The following SMC3 variants were observed in gnomAD, a reference collection of about 807,000 sequenced individuals.
SMC3 encodes structural maintenance of chromosomes 3.
In SMC3, 20 loss-of-function variants were observed where a neutral mutation model predicts 171.8. The observed-to-expected ratio is 0.12, with a 90% CI of 0.08 to 0.17. The LOEUF is 0.17. SMC3 is among the 10% of genes least tolerant of loss of function. The pLI, the probability that SMC3 is intolerant of heterozygous loss-of-function variation, is 1.00. For synonymous variants in SMC3, 464 were observed against 451.1 expected, an observed-to-expected ratio of 1.03 and a Z score of -0.36; for missense variants, 543 against 1,420.4, an observed-to-expected ratio of 0.38 and a Z score of 9.93.
Position 110,603,007 on chromosome 10 carries a change from A to G in SMC3, c.3475+5A>G, listed in dbSNP as rs769197568. 3.1e-6 allele frequency: 5 copies of G among 1,614,074 alleles called. No homozygotes were observed. In the South Asian group the frequency reaches 4.4e-5, roughly 14 times the overall value. On this transcript the variant is annotated splice_donor_5th_base_variant and intron_variant, in intron 27 of 28. Transcript: ENST00000361804. ...AGCACAGAAAGGCTGTGTCAGGTAC[A>G]GTTTCAGTACAGTTTTGGTTTTGTA...
Position 110,601,933 on chromosome 10 carries a change from T to G in SMC3, c.2893-33T>G. The G allele has an allele frequency of 6.2e-7, 1 of 1,606,956 alleles. No individual in the cohort carries two copies. Among genetic ancestry groups the G allele is most frequent in the Non-Finnish European group, 8.5e-7 (1 of 1,174,454 alleles). ...GTTACAAATTGCTCAGTATATAAAT[T>G]TATTTATATGAATACATATTTTCTC... On this transcript the variant is annotated intron_variant, in intron 24 of 28. Transcript: ENST00000361804.
At chr10:110,576,954 T>G (rs556555330) in intron 4 of SMC3, among the ~76,000 whole-genome samples, 1 of 152,298 alleles carries the variant, frequency 6.6e-6, no homozygotes, top group South Asian at 2.1e-4. Context: ...TCCCATGATT[T>G]ATTAGGATTT....
At chr10:110,573,625 A>T (rs1023360461) in intron 2 of SMC3, 82 bp from the exon 3 acceptor site, 1 of 942,182 alleles carries the variant, frequency 1.1e-6, no homozygotes, top group Non-Finnish European at 1.7e-6. Context: ...TTTTAAAAAT[A>T]TTGAGTATTT....
intron 2 of SMC3, among the ~76,000 whole-genome samples, chr10:110,570,427 A>G (rs550931073): frequency 0.079 from 758 of 9,574 alleles, 4 homozygotes; most frequent in Middle Eastern, 0.21. Flanking sequence ...TAAAGAAGGC[A>G]TACTTTTTTT....
intron 1 of SMC3, among the ~76,000 whole-genome samples, chr10:110,568,665 T>C (rs1860821415): frequency 6.6e-6 from 1 of 152,040 alleles, no homozygotes; most frequent in Admixed American, 6.5e-5. Context: ...GCTCACACAG[T>C]GTTTTTGATT....
chr10:110,605,840 C>T lies in SMC3; in HGVS notation c.*1538C>T, dbSNP rs7898064. On this transcript the variant is annotated 3_prime_UTR_variant, in exon 29 of 29. Coordinates refer to ENST00000361804, the MANE Select transcript of SMC3 (RefSeq NM_005445.4). ...TCATGAATGCTTGGTGTATAGTTTA[C>T]GATTTGTAGAGTTGCTCTGATATGA... 0.71 allele frequency among the ~76,000 whole-genome samples: 107,940 copies of T among 152,062 alleles called. 40,466 individuals carry two copies. Among genetic ancestry groups the T allele is most frequent in the Non-Finnish European group, 0.84 (57,195 of 67,984 alleles).
chr10:110,582,988 G>A (rs898964263), intron 10 of SMC3, among the ~76,000 whole-genome samples: 1 of 149,978 alleles, frequency 6.7e-6, no homozygotes, highest in Non-Finnish European at 1.5e-5. Flanking sequence ...CTGGAGTGCA[G>A]TGGTGAGATC....
At chr10:110,590,013 C>A in intron 15 of SMC3, 22 bp downstream of exon 15, 2 of 1,583,418 alleles carry the variant, frequency 1.3e-6, no homozygotes, top group Non-Finnish European at 1.7e-6. Flanking sequence ...CTTTTCATCA[C>A]CTCTGTTTAC....
intron 18 of SMC3, among the ~76,000 whole-genome samples, chr10:110,593,646 G>A (rs775363572): frequency 2.6e-5 from 4 of 152,024 alleles, no homozygotes; most frequent in Non-Finnish European, 5.9e-5. Context: ...ATATCTTACA[G>A]TATTTTGGAG....
intron 16 of SMC3, 50 bp from the exon 17 acceptor site, chr10:110,590,941 G>T: frequency 6.3e-7 from 1 of 1,576,082 alleles, no homozygotes; most frequent in South Asian, 1.1e-5. Flanking sequence ...GGGCAACATA[G>T]GGAGACCCTG....
At chr10:110,590,100 TAGG>T in intron 15 of SMC3, 109 bp downstream of exon 15, 2 of 869,694 alleles carry the variant, frequency 2.3e-6, no homozygotes, top group Non-Finnish European at 3.8e-6. Context: ...AAGTGATAAA[TAGG>T]AGTCCAAATT....
Position 110,583,538 on chromosome 10 carries a change from G to T in SMC3, c.959G>T (p.Ser320Ile). The change falls in exon 11 of 29, where the codon AGT becomes ATT. Residue 320 changes from serine to isoleucine, a missense_variant. This residue lies in a region of SMC3 where 146 missense variants were observed against 437.9 expected (regional missense o/e 0.33). Coordinates refer to ENST00000361804, the MANE Select transcript of SMC3 (RefSeq NM_005445.4). ...KDLQDELAGN[S>I]EQRKRLLKER... ...TTACAAGATGAACTAGCAGGCAATA[G>T]TGAACAAAGGGTAAGTTAAAATGCT... The T allele has an allele frequency of 6.2e-7, 1 of 1,614,050 alleles. No homozygotes were observed.
intron 16 of SMC3, 23 bp downstream of exon 16, chr10:110,590,595 T>C (rs1195182839): frequency 6.2e-7 from 1 of 1,609,832 alleles, no homozygotes; most frequent in Non-Finnish European, 8.5e-7. Context: ...GCTTGATATT[T>C]AGCATTTTTA....
At chr10:110,572,159 G>T (rs1860882122) in intron 2 of SMC3, among the ~76,000 whole-genome samples, 1 of 152,118 alleles carries the variant, frequency 6.6e-6, no homozygotes, top group South Asian at 2.1e-4. Flanking sequence ...CCCACTTGCT[G>T]TATCATTTCC....
At chr10:110,577,624 G>T in intron 5 of SMC3, 132 bp downstream of exon 5, 1 of 735,222 alleles carries the variant, frequency 1.4e-6, no homozygotes. Context: ...ATCTTAAAAT[G>T]ACAATGAATA....
intron 13 of SMC3, among the ~76,000 whole-genome samples, chr10:110,586,519 G>T (rs982528013): frequency 1.2e-4 from 18 of 152,164 alleles, no homozygotes; most frequent in Admixed American, 8.5e-4. Context: ...CCTCCAGTGA[G>T]AGAATTTATT....
intron 20 of SMC3, 123 bp downstream of exon 20, chr10:110,598,413 T>C (rs1210027636): frequency 9.3e-7 from 1 of 1,070,746 alleles, no homozygotes; most frequent in Non-Finnish European, 1.4e-6. Flanking sequence ...ACCCATACTT[T>C]TTTTTTTTGA....
At chr10:110,569,940 T>A (rs1381175350) in intron 2 of SMC3, among the ~76,000 whole-genome samples, 1 of 152,240 alleles carries the variant, frequency 6.6e-6, no homozygotes, top group Non-Finnish European at 1.5e-5. Flanking sequence ...CACAGACTGC[T>A]GTTGACACAG....
chr10:110,596,319 GGTTA>G (rs1157806570), intron 18 of SMC3, 75 bp from the exon 19 acceptor site: 1 of 1,340,510 alleles, frequency 7.5e-7, no homozygotes, highest in African/African-American at 1.5e-5. Flanking sequence ...AAAGCCTGTA[GGTTA>G]GTTTTTTTGT....
Sources: gnomAD v4.1 joint callset for allele counts (sites outside exome capture counted in the v4.1 genomes callset) on GRCh38, gnomAD v4.1.1 for gene constraint, gnomAD v4.1.1 regional missense constraint, MANE v1.5 for transcripts, NCBI Gene and HGNC (gene_info 2026-07-23, HGNC 2026-07-21) for gene names.